Variants in PCDHGA9 observed in about 807,000 individuals in gnomAD.
The protein encoded by PCDHGA9 is protocadherin gamma subfamily A, 9, also known as protocadherin gamma-A9.
Under a neutral mutation model 62.5 loss-of-function variants are expected in PCDHGA9, and 37 were observed. The observed-to-expected ratio is 0.59, with a 90% CI of 0.46 to 0.78. The LOEUF (loss-of-function observed/expected upper bound fraction) is 0.78. Ranked by LOEUF, PCDHGA9 falls within the 30% of genes least tolerant of loss-of-function variation. The pLI is 0.00. For missense variants in PCDHGA9, 1,138 were observed against 1,166.2 expected (o/e 0.98, Z 0.35); for synonymous variants, 459 against 484.6 (o/e 0.95, Z 0.69).
chr5:141,489,844 C>T lies in PCDHGA9; in HGVS notation c.2425-4963C>T, dbSNP rs1004902910. 4.3e-6 allele frequency: 7 copies of T among 1,614,148 alleles called. No homozygotes were observed. The African/African-American group carries it at 9.3e-5, about 22-fold the overall frequency. ...GCTGGTGCTAGAGCAGCAGCTGGAT[C>T]GTGAAGCCCAGGCAAGACATCAGCT... On this transcript the variant is annotated intron_variant, in intron 1 of 3. Transcript: ENST00000573521. The surrounding 1 kb of genome is among the most constrained non-coding windows in gnomAD (Gnocchi z 4.5).
rs777668071 is a variant in PCDHGA9 at position 141,491,848 on chromosome 5, C to G, written c.2425-2959C>G. The G allele has an allele frequency of 3.4e-6, 5 of 1,461,482 alleles. No homozygotes were observed. The highest frequency in any genetic ancestry group is 4.5e-6 in the Non-Finnish European group (5 of 1,104,578). 90.5% of individuals were successfully genotyped at this position (1,461,482 alleles called of 1,614,324 possible). A position where few individuals can be genotyped will look rare whatever the true frequency, so the allele number is the denominator to read the frequency against. ...CACCCGATTCTCGGGATCATTGGAC[C>G]GTTTGCGCGAAACCAGAGTGGCCGA... On this transcript the variant is annotated intron_variant, in intron 1 of 3. Transcript: ENST00000573521. The surrounding 1 kb of genome is among the most constrained non-coding windows in gnomAD (Gnocchi z 6.9).
chr5:141,416,990 A>C (rs912916110), intron 1 of PCDHGA9: 20 of 151,946 alleles, frequency 1.3e-4, no homozygotes, highest in African/African-American at 4.1e-4. Flanking sequence ...ATTATTGTGC[A>C]TTCATCTCAA....
Position 141,489,629 on chromosome 5 carries a change from C to T in PCDHGA9, c.2425-5178C>T. Reference sequence around the variant, plus strand: ...GAGATCCTGGATCTCAATGACAACTCTCCTAGCTTTGCCACCCCTGAGCGA... The same window carrying T: ...GAGATCCTGGATCTCAATGACAACTTTCCTAGCTTTGCCACCCCTGAGCGA... On this transcript the variant is annotated intron_variant, in intron 1 of 3. Transcript: ENST00000573521. This position sits in a 1 kb window ranked among gnomAD's most constrained non-coding sequence, Gnocchi z 4.5. 6.2e-7 allele frequency: 1 copy of T among 1,614,142 alleles called. No homozygotes were observed. The highest frequency in any genetic ancestry group is 1.7e-5 in the Admixed American group (1 of 60,032).
intron 1 of PCDHGA9, among the ~76,000 whole-genome samples, chr5:141,448,169 A>C (rs1418273084): frequency 6.6e-6 from 1 of 152,014 alleles, no homozygotes; most frequent in Non-Finnish European, 1.5e-5. Flanking sequence ...GATCACTACT[A>C]TTCATCCCTG....
In PCDHGA9 at chr5:141,430,746, G is replaced by A. The variant is rs369205374; in HGVS notation, c.2424+25370G>A. ...TAAGGGCAGAATTGAAAATAATTCTGGAGGAAGATAAGAATGATTCCTGCG... is the reference window on the plus strand; with the variant it reads ...TAAGGGCAGAATTGAAAATAATTCTAGAGGAAGATAAGAATGATTCCTGCG... On this transcript the variant is annotated intron_variant, in intron 1 of 3. Coordinates refer to ENST00000573521, the MANE Select transcript of PCDHGA9 (RefSeq NM_018921.3). 3.3e-5 allele frequency: 49 copies of A among 1,500,684 alleles called. No homozygotes were observed. The African/African-American group carries it at 6.3e-4, about 19-fold the overall frequency. The allele number at this position is 1,500,684 out of a possible 1,614,324, so 93.0% of individuals were successfully genotyped here.
In PCDHGA9 at chr5:141,404,057, T is replaced by C. The variant is rs558471539; in HGVS notation, c.1105T>C (p.Phe369Leu). 19 of 1,613,894 alleles carry C rather than the reference T, an allele frequency of 1.2e-5. No individual in the cohort carries two copies. The highest frequency in any genetic ancestry group is 1.4e-5 in the Non-Finnish European group (16 of 1,179,824). ...DAPQGTVILL[F>L]NAHDRDSGKN... ...ACCTCAGGGAACAGTAATTCTTCTT[T>C]TCAATGCTCATGACCGAGACTCCGG... Residue 369 changes from phenylalanine to leucine, a missense_variant, in exon 1 of 4, where the codon TTC (phenylalanine) becomes CTC (leucine). Physicochemically the swap from Phe to Leu is conservative, Grantham distance 22. Coordinates refer to ENST00000573521, the MANE Select transcript of PCDHGA9 (RefSeq NM_018921.3).
chr5:141,508,334 C>T (rs1323577321), intron 3 of PCDHGA9: 2 of 151,150 alleles, frequency 1.3e-5, no homozygotes, highest in African/African-American at 4.9e-5. Flanking sequence ...GGAGAACTGA[C>T]TCTACAGAAA....
intron 1 of PCDHGA9, chr5:141,414,594 C>T: frequency 1.2e-6 from 2 of 1,613,952 alleles, no homozygotes; most frequent in Non-Finnish European, 1.7e-6. Flanking sequence ...CCAGGGGTGC[C>T]TCCATCTTCT....
At chr5:141,506,308 G>A (rs941724820) in intron 3 of PCDHGA9, among the ~76,000 whole-genome samples, 8 of 152,100 alleles carry the variant, frequency 5.3e-5, no homozygotes. Flanking sequence ...AATTAGCTGG[G>A]CATGGTGGTG....
At chr5:141,413,417 T>C in intron 1 of PCDHGA9, 18 of 1,614,086 alleles carry the variant, frequency 1.1e-5, no homozygotes, top group Non-Finnish European at 1.5e-5. Context: ...CTTTTCTCTC[T>C]GAACCCGCGC....
rs774858191 is a variant in PCDHGA9 at position 141,413,689 on chromosome 5, C to T, written c.2424+8313C>T. On this transcript the variant is annotated intron_variant, in intron 1 of 3. Transcript: ENST00000573521. Reference sequence around the variant, plus strand: ...TCCGGATGTGGGCGTGAACTCCCTGCAGAGCTATCAGCTCAGCCCCAATAA... The same window carrying T: ...TCCGGATGTGGGCGTGAACTCCCTGTAGAGCTATCAGCTCAGCCCCAATAA... 6 of 1,613,800 alleles carry T rather than the reference C, an allele frequency of 3.7e-6. No individual in the cohort carries two copies. The Admixed American group carries it at 5.0e-5, about 13-fold the overall frequency.
chr5:141,431,376 CT>C lies in PCDHGA9; in HGVS notation c.2424+26001del. The C allele has an allele frequency of 1.2e-6, 2 of 1,613,436 alleles. No individual in the cohort carries two copies. The highest frequency in any genetic ancestry group is 1.7e-6 in the Non-Finnish European group (2 of 1,179,562). On this transcript the variant is annotated intron_variant, in intron 1 of 3. Transcript: ENST00000573521. This position sits in a 1 kb window ranked among gnomAD's most constrained non-coding sequence, Gnocchi z 4.8. ...CGCGCCCTGGACCGCGAAGAAAAGG[CT>C]GCTCACCACCTGGTCCTTACGGCCT...
intron 1 of PCDHGA9, among the ~76,000 whole-genome samples, chr5:141,451,302 G>T (rs1445994098): frequency 6.6e-6 from 1 of 152,208 alleles, no homozygotes; most frequent in Non-Finnish European, 1.5e-5. Context: ...GTCTTACAAG[G>T]CAGCAATTAA....
chr5:141,437,165 T>A (rs62379162), intron 1 of PCDHGA9, among the ~76,000 whole-genome samples: 3,747 of 152,330 alleles, frequency 0.025, 69 homozygotes, highest in Middle Eastern at 0.085. Context: ...TGTTGATTGT[T>A]TTCTGAGACT....
In PCDHGA9 at chr5:141,403,000, A is replaced by T; in HGVS notation, c.48A>T (p.Leu16=). 18 of 1,613,980 alleles carry T rather than the reference A, an allele frequency of 1.1e-5. No homozygotes were observed. The highest frequency in any genetic ancestry group is 1.4e-5 in the Non-Finnish European group (17 of 1,179,882). The change falls in exon 1 of 4, where the codon CTA becomes CTT. Residue 16 remains leucine (L), a synonymous_variant. Coordinates refer to ENST00000573521, the MANE Select transcript of PCDHGA9 (RefSeq NM_018921.3). ...KCQLRGRLVL[L]CSLLGMLWEA... The stretch of plus-strand genomic sequence containing the variant: ...AGCTCCGCGGAAGATTAGTCCTGCT[A>T]TGCTCGCTCCTGGGGATGCTATGGG...
At chr5:141,420,413 A>T in intron 1 of PCDHGA9, 1 of 1,222,396 alleles carries the variant, frequency 8.2e-7, no homozygotes, top group Non-Finnish European at 1.1e-6. Context: ...GGTTATCATT[A>T]TTAAAACAAA....
chr5:141,460,921 T>C (rs984603258), intron 1 of PCDHGA9, among the ~76,000 whole-genome samples: 4 of 151,276 alleles, frequency 2.6e-5, no homozygotes, highest in African/African-American at 9.7e-5. Flanking sequence ...TGTATATATA[T>C]ATATGTGTGT....
intron 1 of PCDHGA9, chr5:141,427,864 A>G: frequency 6.4e-7 from 1 of 1,557,574 alleles, no homozygotes; most frequent in Non-Finnish European, 8.8e-7. Flanking sequence ...TGCGCCTTCG[A>G]GCTCACGATG....
intron 1 of PCDHGA9, chr5:141,418,394 T>C: frequency 6.2e-7 from 1 of 1,614,020 alleles, no homozygotes; most frequent in Non-Finnish European, 8.5e-7. Flanking sequence ...CGAGTATTTC[T>C]CATTGGTGGA....
Sources: gnomAD v4.1 joint callset for allele counts (sites outside exome capture counted in the v4.1 genomes callset) on GRCh38, gnomAD v4.1.1 for gene constraint, Gnocchi (gnomAD v3.1) non-coding constraint, MANE v1.5 for transcripts, NCBI Gene and HGNC (gene_info 2026-07-23, HGNC 2026-07-21) for gene names.